Variants in SLC25A13 observed in about 807,000 individuals in gnomAD.
SLC25A13 encodes solute carrier family 25 member 13, also known as electrogenic aspartate/glutamate antiporter SLC25A13, mitochondrial.
Under a neutral mutation model 85.5 loss-of-function variants are expected in SLC25A13, and 70 were observed. That is an observed-to-expected ratio of 0.82 (90% CI 0.68 to 1.00). The LOEUF (loss-of-function observed/expected upper bound fraction) is 1.00. Ranked by LOEUF, SLC25A13 falls within the 50% of genes least tolerant of loss-of-function variation. The pLI, the probability that SLC25A13 is intolerant of heterozygous loss-of-function variation, is 0.00. For synonymous variants in SLC25A13, 259 were observed against 288.7 expected (o/e 0.90, Z 1.04); for missense variants, 765 against 819.8 (o/e 0.93, Z 0.82).
chr7:96,316,037 T>A (rs1800114430), intron 1 of SLC25A13, among the ~76,000 whole-genome samples: 1 of 151,988 alleles, frequency 6.6e-6, no homozygotes, highest in Admixed American at 6.6e-5. Flanking sequence ...GGTGGGAGGA[T>A]CTCTTGTATC....
chr7:96,181,349 CT>C (rs1794413661), intron 11 of SLC25A13, among the ~76,000 whole-genome samples: 1 of 152,256 alleles, frequency 6.6e-6, no homozygotes, highest in African/African-American at 2.4e-5. Context: ...TCTCTCATGA[CT>C]ACCAAGCAAC....
intron 1 of SLC25A13, among the ~76,000 whole-genome samples, chr7:96,311,910 G>A (rs1246929718): frequency 6.6e-6 from 1 of 152,122 alleles, no homozygotes; most frequent in African/African-American, 2.4e-5. Flanking sequence ...ATAGCTTTAT[G>A]GCAAGAAATA....
intron 2 of SLC25A13, 129 bp from the exon 3 acceptor site, chr7:96,277,467 A>C: frequency 1.2e-6 from 1 of 846,784 alleles, no homozygotes; most frequent in Non-Finnish European, 1.8e-6. Flanking sequence ...TGTACGCTTC[A>C]TAATGACCAT....
chr7:96,145,483 T>C (rs992506919), intron 14 of SLC25A13, among the ~76,000 whole-genome samples: 19 of 152,182 alleles, frequency 1.2e-4, no homozygotes, highest in African/African-American at 4.1e-4. Context: ...AAACAAGTCA[T>C]TTCAAGTTTA....
intron 3 of SLC25A13, among the ~76,000 whole-genome samples, chr7:96,264,858 T>C (rs1002187456): frequency 5.3e-5 from 8 of 152,170 alleles, no homozygotes; most frequent in African/African-American, 1.7e-4. Context: ...CAAAGAACTA[T>C]ATTTTCTAAA....
At chr7:96,208,717 G>A in intron 5 of SLC25A13, 121 bp downstream of exon 5, 5 of 1,122,878 alleles carry the variant, frequency 4.5e-6, no homozygotes, top group Non-Finnish European at 6.7e-6. Context: ...ATGTTGGCCA[G>A]GATGGTCTCG....
At chr7:96,150,257 CAA>C (rs1792979485) in intron 13 of SLC25A13, among the ~76,000 whole-genome samples, 1 of 152,010 alleles carries the variant, frequency 6.6e-6, no homozygotes, top group Non-Finnish European at 1.5e-5. Context: ...ATAAGCAATT[CAA>C]AGTTTGTCCT....
chr7:96,131,700 G>A (rs1002312963), intron 15 of SLC25A13, 43 bp downstream of exon 15: 2 of 1,612,638 alleles, frequency 1.2e-6, no homozygotes, highest in Non-Finnish European at 1.7e-6. Flanking sequence ...AAGGGGGGCA[G>A]CAAGGGTCAG....
chr7:96,263,503 C>A (rs1412313618), intron 3 of SLC25A13, among the ~76,000 whole-genome samples: 2 of 152,018 alleles, frequency 1.3e-5, no homozygotes, highest in Admixed American at 1.3e-4. Flanking sequence ...CTAGGTTGCA[C>A]CAGGCCTATA....
intron 3 of SLC25A13, among the ~76,000 whole-genome samples, chr7:96,268,331 G>T (rs907259492): frequency 1.3e-5 from 2 of 152,188 alleles, no homozygotes; most frequent in Non-Finnish European, 2.9e-5. Flanking sequence ...ATACTTAGAA[G>T]ATATACAAAG....
In SLC25A13 at chr7:96,185,019, G is replaced by A. The variant is rs752177815; in HGVS notation, c.934-8C>T. On this transcript the variant is annotated splice_polypyrimidine_tract_variant and splice_region_variant and intron_variant, in intron 9 of 17. Coordinates refer to ENST00000265631, the MANE Select transcript of SLC25A13 (RefSeq NM_014251.3). ...TGAATCACCTGAGGCCTTCTGCTTT[G>A]CATGCACAGGAATCAGAGAGCAGGA... The A allele has an allele frequency of 6.2e-7, 1 of 1,609,846 alleles. No homozygotes were observed. The highest frequency in any genetic ancestry group is 8.5e-7 in the Non-Finnish European group (1 of 1,177,990).
At chr7:96,317,357 G>T (rs1034176882) in intron 1 of SLC25A13, among the ~76,000 whole-genome samples, 1 of 151,920 alleles carries the variant, frequency 6.6e-6, no homozygotes, top group Non-Finnish European at 1.5e-5. Context: ...TAACTCAAAA[G>T]GCTGAGGCAT....
At chr7:96,192,891 T>C in intron 6 of SLC25A13, 146 bp downstream of exon 6, 1 of 900,054 alleles carries the variant, frequency 1.1e-6, no homozygotes, top group South Asian at 1.6e-5. Flanking sequence ...AAACACACTC[T>C]TTGTTTGAGT....
intron 4 of SLC25A13, among the ~76,000 whole-genome samples, chr7:96,226,104 T>A (rs182133297): frequency 6.6e-6 from 1 of 152,234 alleles, no homozygotes; most frequent in African/African-American, 2.4e-5. Flanking sequence ...ATCAGCACAA[T>A]GTTGTGCAGG....
chr7:96,163,199 TTCAAGGTCAGG>T (rs1324828354), intron 13 of SLC25A13, among the ~76,000 whole-genome samples: 2 of 152,210 alleles, frequency 1.3e-5, no homozygotes, highest in Non-Finnish European at 2.9e-5. Flanking sequence ...GGCAGTGACC[TTCAAGGTCAGG>T]TCATAAGAAG....
chr7:96,193,226 T>G, intron 5 of SLC25A13, 43 bp from the exon 6 acceptor site: 1 of 1,603,520 alleles, frequency 6.2e-7, no homozygotes, highest in Non-Finnish European at 8.5e-7. Flanking sequence ...TGCTTCTCAT[T>G]TAATAATTAC....
intron 11 of SLC25A13, among the ~76,000 whole-genome samples, chr7:96,171,962 A>C (rs1270565818): frequency 6.6e-6 from 1 of 152,204 alleles, no homozygotes; most frequent in African/African-American, 2.4e-5. Flanking sequence ...AAAAAAATTA[A>C]ATCACAGTTG....
intron 3 of SLC25A13, among the ~76,000 whole-genome samples, chr7:96,249,798 A>G (rs185443375): frequency 6.6e-5 from 10 of 151,824 alleles, no homozygotes; most frequent in Admixed American, 4.6e-4. Context: ...TTTTCTTGGT[A>G]TAAGTATTGC....
chr7:96,231,597 G>A (rs768727274), intron 4 of SLC25A13, among the ~76,000 whole-genome samples: 3 of 151,924 alleles, frequency 2.0e-5, no homozygotes, highest in East Asian at 1.9e-4. Context: ...GGTGGTGCGC[G>A]CCTGTAGTCC....
Sources: allele counts gnomAD v4.1 joint callset (sites outside exome capture counted in the v4.1 genomes callset), GRCh38; gene constraint gnomAD v4.1.1; transcripts MANE v1.5; gene names NCBI Gene and HGNC (gene_info 2026-07-23, HGNC 2026-07-21).